The following OR6N1 variants were observed in gnomAD, a reference collection of about 807,000 sequenced individuals.
The protein encoded by OR6N1 is olfactory receptor 6N1.
For missense variants in OR6N1, 394 were observed against 371.7 expected, an observed-to-expected ratio of 1.06 and a Z score of -0.49; for synonymous variants, 170 against 150.7, an observed-to-expected ratio of 1.13 and a Z score of -0.94.
the OR6N1 span, among the ~76,000 whole-genome samples, chr1:158,786,314 A>G: frequency 6.6e-6 from 1 of 152,226 alleles, no homozygotes; most frequent in Admixed American, 6.5e-5. Flanking sequence ...TACTCCTGCA[A>G]GAATGGCCAT....
At chr1:158,805,888 T>G in the OR6N1 span, among the ~76,000 whole-genome samples, 3 of 152,152 alleles carry the variant, frequency 2.0e-5, no homozygotes, top group Non-Finnish European at 2.9e-5. Flanking sequence ...CCACTTTGAG[T>G]TGTTAGATGA....
upstream of OR6N1, chr1:158,774,451 C>T (rs1657529461): frequency 6.6e-6 from 1 of 152,154 alleles, no homozygotes; most frequent in Non-Finnish European, 1.5e-5. Context: ...ATTCCCACAG[C>T]TCAGGAAAGC....
the OR6N1 span, among the ~76,000 whole-genome samples, chr1:158,798,243 G>T: frequency 1.3e-5 from 2 of 150,806 alleles, no homozygotes; most frequent in East Asian, 3.9e-4. Context: ...TATTTTTATT[G>T]TATTAATTTC....
the OR6N1 span, among the ~76,000 whole-genome samples, chr1:158,830,202 G>A: frequency 1.5e-3 from 228 of 152,276 alleles, 1 homozygote; most frequent in Non-Finnish European, 2.8e-3. Flanking sequence ...GTTTCCTTGT[G>A]TTCCTCTTTA....
rs1372607034 is a variant in OR6N1, at chr1:158,764,629, C to CT, written c.*1114dup. On this transcript the variant is annotated 3_prime_UTR_variant, in exon 2 of 2. Coordinates refer to ENST00000641846, the MANE Select transcript of OR6N1 (RefSeq NM_001005185.2). ...GATTTCTTGTAGTTAATATTTGATC[C>CT]TCCATTCATGGAAGGATACATAAAG... 6.6e-6 allele frequency: 1 copy of CT among 151,988 alleles called. No homozygotes were observed. The highest frequency in any genetic ancestry group is 1.5e-5 in the Non-Finnish European group (1 of 67,966). 9.4% of individuals were successfully genotyped at this position (151,988 alleles called of 1,614,324 possible).
At chr1:158,782,442 G>A in the OR6N1 span, among the ~76,000 whole-genome samples, 7 of 152,178 alleles carry the variant, frequency 4.6e-5, no homozygotes, top group African/African-American at 1.7e-4. Context: ...TCCAGCAAAA[G>A]AAAGGAACAT....
the OR6N1 span, among the ~76,000 whole-genome samples, chr1:158,813,697 CTTTTTT>C: frequency 1.3e-5 from 1 of 78,612 alleles, no homozygotes; most frequent in Non-Finnish European, 2.3e-5. Context: ...TATGTATGGT[CTTTTTT>C]TTTTTTTTTT....
At chr1:158,779,727 C>A in the OR6N1 span, among the ~76,000 whole-genome samples, 1 of 152,182 alleles carries the variant, frequency 6.6e-6, no homozygotes, top group Non-Finnish European at 1.5e-5. Flanking sequence ...TAAGTCATCT[C>A]TCTTCTCTCC....
chr1:158,802,199 CTTTTTTTT>C, the OR6N1 span, among the ~76,000 whole-genome samples: 3 of 105,196 alleles, frequency 2.9e-5, no homozygotes, highest in Non-Finnish European at 1.8e-5. Flanking sequence ...CCTCATAGCA[CTTTTTTTT>C]TTTTTTTTTT....
At position 158,765,906 on chromosome 1, in the gene OR6N1, A is replaced by C. The variant is rs1558031124; in HGVS notation, c.777T>G (p.Tyr259Ter). The C allele has an allele frequency of 1.7e-5, 28 of 1,614,200 alleles. No individual in the cohort carries two copies. Among genetic ancestry groups the C allele is most frequent in the Non-Finnish European group, 2.3e-5 (27 of 1,180,020 alleles). The change falls in exon 2 of 2, where the codon TAT becomes TAG. Residue 259 changes from tyrosine (Y) to a stop codon, truncating the protein, a stop_gained. Coordinates refer to ENST00000641846, the MANE Select transcript of OR6N1 (RefSeq NM_001005185.2). LOFTEE classifies it low-confidence loss of function (END_TRUNC). ...LIFYGSILSM[Y>*]VQLKKSYSLD... The stretch of plus-strand genomic sequence containing the variant: ...GTGAGTAGCTCTTCTTCAGCTGCAC[A>C]TACATGGAAAGGATGCTCCCATAGA...
the OR6N1 span, among the ~76,000 whole-genome samples, chr1:158,838,416 G>T: frequency 6.6e-6 from 1 of 151,858 alleles, no homozygotes. Context: ...ACTACCTTCT[G>T]GTCTACAAAG....
chr1:158,822,228 A>T, the OR6N1 span, among the ~76,000 whole-genome samples: 3 of 152,088 alleles, frequency 2.0e-5, no homozygotes, highest in African/African-American at 7.2e-5. Context: ...TAGTTTTTCT[A>T]GTTCTGTGAA....
chr1:158,827,132 G>A, the OR6N1 span, among the ~76,000 whole-genome samples: 1 of 152,166 alleles, frequency 6.6e-6, no homozygotes. Flanking sequence ...TTTGGGGAGA[G>A]AAGAGGGATG....
At chr1:158,766,765 C>T in intron 1 of OR6N1, 65 bp from the exon 2 acceptor site, 3 of 994,558 alleles carry the variant, frequency 3.0e-6, no homozygotes, top group Non-Finnish European at 4.4e-6. Context: ...AAGAAGGCAA[C>T]CCTCAAATTA....
At chr1:158,814,538 C>T in the OR6N1 span, among the ~76,000 whole-genome samples, 1 of 152,148 alleles carries the variant, frequency 6.6e-6, no homozygotes, top group Non-Finnish European at 1.5e-5. Context: ...AGTAGAAGAT[C>T]AAGACATTGG....
chr1:158,810,930 A>G, the OR6N1 span, among the ~76,000 whole-genome samples: 3 of 152,150 alleles, frequency 2.0e-5, no homozygotes, highest in African/African-American at 7.2e-5. Flanking sequence ...GGTTTGTTAC[A>G]TAGGTAAACC....
chr1:158,830,709 A>C, the OR6N1 span, among the ~76,000 whole-genome samples: 1 of 152,216 alleles, frequency 6.6e-6, no homozygotes, highest in Non-Finnish European at 1.5e-5. Context: ...AACTATCCAT[A>C]AATAATGCAA....
At chr1:158,768,545 C>G (rs1657335601) in intron 1 of OR6N1, among the ~76,000 whole-genome samples, 2 of 152,164 alleles carry the variant, frequency 1.3e-5, no homozygotes, top group African/African-American at 4.8e-5. Flanking sequence ...TAACAGATCT[C>G]CCTACTTGCA....
chr1:158,803,680 A>C, the OR6N1 span, among the ~76,000 whole-genome samples: 1 of 152,234 alleles, frequency 6.6e-6, no homozygotes, highest in African/African-American at 2.4e-5. Flanking sequence ...TGACTGAATA[A>C]ATTACAATGC....
Sources: allele counts gnomAD v4.1 joint callset (sites outside exome capture counted in the v4.1 genomes callset), GRCh38; gene constraint gnomAD v4.1.1; transcripts MANE v1.5; gene names NCBI Gene and HGNC (gene_info 2026-07-23, HGNC 2026-07-21).